The following ITPR3 variants were observed in gnomAD, a reference collection of about 807,000 sequenced individuals.
ITPR3 encodes the protein inositol 1,4,5-trisphosphate-gated calcium channel ITPR3.
In ITPR3, 173 loss-of-function variants were observed where a neutral mutation model predicts 293.2. The observed-to-expected ratio is 0.59, with a 90% CI of 0.52 to 0.67. ITPR3 has a LOEUF of 0.67. ITPR3 is among the 30% of genes least tolerant of loss of function. ITPR3 has a pLI of 0.00. For missense variants in ITPR3, 2,796 were observed against 3,592.1 expected (o/e 0.78, Z 5.66); for synonymous variants, 1,295 against 1,444.4 (o/e 0.90, Z 2.35).
chr6:33,678,749 G>GC lies in ITPR3; in HGVS notation c.3883dup (p.Arg1295ProfsTer14). 1 of 1,613,588 alleles carries GC rather than the reference G, an allele frequency of 6.2e-7. No individual in the cohort carries two copies. Among genetic ancestry groups the GC allele is most frequent in the South Asian group, 1.1e-5 (1 of 90,934 alleles). On this transcript the variant is annotated frameshift_variant, in exon 30 of 58. Transcript: ENST00000605930. LOFTEE classifies it high-confidence loss of function. ...TCGTGCACCTGCTGGCCACGCACGG[G>GC]CGCCATGTGCAGTACCTGGACTTCC...
chr6:33,647,718 A>G lies in ITPR3; in HGVS notation c.160+7164A>G, dbSNP rs6899333. On this transcript the variant is annotated intron_variant, in intron 2 of 57. Transcript: ENST00000605930. Reference sequence around the variant, plus strand: ...TTCTTATGGTTACATAGCATTCCACACATAGAGTTATGTGGCTCTATTGTA... The same window carrying G: ...TTCTTATGGTTACATAGCATTCCACGCATAGAGTTATGTGGCTCTATTGTA... Among the ~76,000 whole-genome samples, 1,106 of 152,286 alleles carry G rather than the reference A, an allele frequency of 7.3e-3. 11 individuals are homozygous for G. The highest frequency in any genetic ancestry group is 0.023 in the African/African-American group (973 of 41,554).
At position 33,687,212 on chromosome 6, in the gene ITPR3, C is replaced by A. The variant is rs1172013805; in HGVS notation, c.6076-14C>A. On this transcript the variant is annotated splice_polypyrimidine_tract_variant and intron_variant, in intron 44 of 57. Transcript: ENST00000605930. This position sits in a 1 kb window ranked among gnomAD's most constrained non-coding sequence, Gnocchi z 5.3. ...CCTAGGAAGAGAGCATTGGAACAGGCACTGCCCCTCCAGGTGGACGTCATC... is the reference window on the plus strand; with the variant it reads ...CCTAGGAAGAGAGCATTGGAACAGGAACTGCCCCTCCAGGTGGACGTCATC... The A allele has an allele frequency of 1.2e-6, 2 of 1,603,922 alleles. No homozygotes were observed. Among genetic ancestry groups the A allele is most frequent in the East Asian group, 4.5e-5 (2 of 44,844 alleles).
intron 42 of ITPR3, 48 bp downstream of exon 42, chr6:33,686,301 C>T: frequency 6.2e-7 from 1 of 1,603,902 alleles, no homozygotes; most frequent in East Asian, 2.2e-5. Context: ...GCAGTGTGGA[C>T]ATGTGGGTAG....
chr6:33,691,747 G>A lies in ITPR3; in HGVS notation c.7330+28G>A. ...GAGGGTGGTGTGTGTGCAGGAGTCT[G>A]TGTGGGGTAGGAGGAGCAGGCAGCC... On this transcript the variant is annotated intron_variant, in intron 53 of 57. Coordinates refer to ENST00000605930, the MANE Select transcript of ITPR3 (RefSeq NM_002224.4). This position sits in a 1 kb window ranked among gnomAD's most constrained non-coding sequence, Gnocchi z 4.9. The A allele has an allele frequency of 6.2e-7, 1 of 1,612,336 alleles. No homozygotes were observed. Among genetic ancestry groups the A allele is most frequent in the Non-Finnish European group, 8.5e-7 (1 of 1,179,456 alleles).
chr6:33,695,637 A>G (rs1267781641), intron 57 of ITPR3, 75 bp from the exon 58 acceptor site: 2 of 1,443,560 alleles, frequency 1.4e-6, no homozygotes, highest in East Asian at 2.3e-5. Flanking sequence ...ACGGGTGCCA[A>G]GCTCTTCCAC....
intron 2 of ITPR3, among the ~76,000 whole-genome samples, chr6:33,651,869 G>A (rs979276350): frequency 2.6e-5 from 4 of 152,204 alleles, no homozygotes; most frequent in Non-Finnish European, 4.4e-5. Flanking sequence ...TCCTCATGCC[G>A]TTTTAAGCAG....
chr6:33,651,976 T>C (rs928955730), intron 2 of ITPR3, among the ~76,000 whole-genome samples: 7 of 152,172 alleles, frequency 4.6e-5, no homozygotes, highest in Admixed American at 3.3e-4. Context: ...CCTTTTCTCC[T>C]GTCTGGACTA....
Position 33,665,220 on chromosome 6 carries a change from T to G in ITPR3, c.1409+7T>G. 1 of 1,611,136 alleles carries G rather than the reference T, an allele frequency of 6.2e-7. No individual in the cohort carries two copies. Among genetic ancestry groups the G allele is most frequent in the Non-Finnish European group, 8.5e-7 (1 of 1,177,652 alleles). ...TCAGCCAGAATGACCGCAGGTGGGC[T>G]GCAGTGGCACAGGGGTTTTCTGAGT... On this transcript the variant is annotated splice_region_variant and intron_variant, in intron 13 of 57. Transcript: ENST00000605930.
chr6:33,665,708 G>T, intron 13 of ITPR3, 127 bp from the exon 14 acceptor site: 1 of 1,011,708 alleles, frequency 9.9e-7, no homozygotes, highest in Non-Finnish European at 1.5e-6. Context: ...GCTGAGGATG[G>T]GTTTTGTGCT....
chr6:33,642,702 T>A (rs1346923674), intron 2 of ITPR3, among the ~76,000 whole-genome samples: 2 of 152,180 alleles, frequency 1.3e-5, no homozygotes, highest in African/African-American at 4.8e-5. Context: ...TCATCTCATC[T>A]TCTCCATTTT....
chr6:33,695,458 G>A, intron 57 of ITPR3: 1 of 575,776 alleles, frequency 1.7e-6, no homozygotes, highest in Non-Finnish European at 3.1e-6. Flanking sequence ...CCTGCATGAA[G>A]ATGAGGCAGC....
rs756927026 is a variant in ITPR3 at position 33,624,862 on chromosome 6, C to G, written c.89+3171C>G. ...GGCAGCATTCAGATTCTGGCCAGAGCTCTTCAGTGCAAAGTGGACGAGGCC... is the reference window on the plus strand; with the variant it reads ...GGCAGCATTCAGATTCTGGCCAGAGGTCTTCAGTGCAAAGTGGACGAGGCC... On this transcript the variant is annotated intron_variant, in intron 1 of 57. Coordinates refer to ENST00000605930, the MANE Select transcript of ITPR3 (RefSeq NM_002224.4). This position sits in a 1 kb window ranked among gnomAD's most constrained non-coding sequence, Gnocchi z 4.7. Among the ~76,000 whole-genome samples the G allele has an allele frequency of 5.3e-5, 8 of 152,202 alleles. No homozygotes were observed. The highest frequency in any genetic ancestry group is 8.8e-5 in the Non-Finnish European group (6 of 68,032).
chr6:33,690,976 C>T lies in ITPR3; in HGVS notation c.7092C>T (p.Arg2364=), dbSNP rs200896319. The change falls in exon 52 of 58, where the codon CGC becomes CGT. Residue 2364 remains arginine, a synonymous_variant. Coordinates refer to ENST00000605930, the MANE Select transcript of ITPR3 (RefSeq NM_002224.4). ...TCAACGTCATCAAGAGTGTGACCCG[C>T]AATGGCCGCTCCATCCTGCTGACAG... is the stretch of plus-strand genomic sequence containing the variant. The part of the protein sequence containing the change: ...TLFNVIKSVT[R]NGRSILLTAL... 6.2e-7 allele frequency: 1 copy of T among 1,614,198 alleles called. No individual in the cohort carries two copies. Among genetic ancestry groups the T allele is most frequent in the East Asian group, 2.2e-5 (1 of 44,890 alleles).
In ITPR3 at chr6:33,684,233, G is replaced by A. The variant is rs79520005; in HGVS notation, c.4937+65G>A. 2.8e-3 allele frequency: 4,404 copies of A among 1,600,008 alleles called. 65 individuals carry two copies. In the East Asian group the frequency reaches 0.035, roughly 13 times the overall value. On this transcript the variant is annotated intron_variant, in intron 36 of 57. Coordinates refer to ENST00000605930, the MANE Select transcript of ITPR3 (RefSeq NM_002224.4). This position sits in a 1 kb window ranked among gnomAD's most constrained non-coding sequence, Gnocchi z 4.2. ...GCGGCAGGGGACAGAGAAGGGCCCG[G>A]TGGGGACTAGACAGGCTCACTGGGT...
At chr6:33,689,872 G>A (rs982998485) in intron 50 of ITPR3, among the ~76,000 whole-genome samples, 162 bp from the exon 51 acceptor site, 3 of 152,138 alleles carry the variant, frequency 2.0e-5, no homozygotes, top group Non-Finnish European at 2.9e-5. Context: ...GGACCCAAGG[G>A]GCTGCCTCTG....
rs553536552 is a variant in ITPR3 at position 33,625,756 on chromosome 6, G to A, written c.89+4065G>A. Among the ~76,000 whole-genome samples the A allele has an allele frequency of 1.1e-3, 161 of 152,226 alleles. 1 individual carries two copies. The highest frequency in any genetic ancestry group is 2.1e-3 in the Non-Finnish European group (142 of 67,998). ...TAGGAGATGCTGCCTCTTACCCATG[G>A]GATTCTCTGTCTACCTGCCAGCCTG... On this transcript the variant is annotated intron_variant, in intron 1 of 57. Transcript: ENST00000605930.
Position 33,680,648 on chromosome 6 carries a change from T to C in ITPR3, c.4444T>C (p.Ser1482Pro). ...VLDTINAFFS[S>P]PFSENSTSLQ... ...GGACACCATCAACGCCTTCTTCAGC[T>C]CCCCATTCTCTGAGAACAGCACTTC... is the stretch of plus-strand genomic sequence containing the variant. Residue 1482 changes from serine to proline, a missense_variant, in exon 33 of 58, where the codon TCC becomes CCC. Transcript: ENST00000605930. 3 of 1,613,950 alleles carry C rather than the reference T, an allele frequency of 1.9e-6. No homozygotes were observed. The highest frequency in any genetic ancestry group is 2.5e-6 in the Non-Finnish European group (3 of 1,179,928).
chr6:33,690,943 G>A lies in ITPR3; in HGVS notation c.7059G>A (p.Glu2353=). The A allele has an allele frequency of 6.2e-7, 1 of 1,614,156 alleles. No individual in the cohort carries two copies. Among genetic ancestry groups the A allele is most frequent in the Non-Finnish European group, 8.5e-7 (1 of 1,180,006 alleles). ...ILLFDLIYRE[E]TLFNVIKSVT... ...TCTTTGACCTCATCTACCGCGAGGAGACGCTGTTCAACGTCATCAAGAGTG... is the reference window on the plus strand; with the variant it reads ...TCTTTGACCTCATCTACCGCGAGGAAACGCTGTTCAACGTCATCAAGAGTG... Residue 2353 remains glutamate (E), a synonymous_variant, in exon 52 of 58, where the codon GAG becomes GAA. Coordinates refer to ENST00000605930, the MANE Select transcript of ITPR3 (RefSeq NM_002224.4).
intron 1 of ITPR3, among the ~76,000 whole-genome samples, chr6:33,627,337 C>T (rs1270802383): frequency 6.6e-6 from 1 of 152,160 alleles, no homozygotes; most frequent in African/African-American, 2.4e-5. Flanking sequence ...GACCTTCTAG[C>T]CTTTTATATT....
Sources: gnomAD v4.1 joint callset for allele counts (sites outside exome capture counted in the v4.1 genomes callset) on GRCh38, gnomAD v4.1.1 for gene constraint, Gnocchi (gnomAD v3.1) non-coding constraint, MANE v1.5 for transcripts, NCBI Gene and HGNC (gene_info 2026-07-23, HGNC 2026-07-21) for gene names.